The following IPO5 variants were observed in gnomAD, a reference collection of about 807,000 sequenced individuals.
IPO5 encodes importin 5, also known as importin-5.
In IPO5, 18 loss-of-function variants were observed where a neutral mutation model predicts 143.3. That is an observed-to-expected ratio of 0.13 (90% CI 0.09 to 0.19). The LOEUF is 0.19. Among genes scored for constraint, IPO5 ranks in the 10% least tolerant of loss-of-function variants. The pLI is 1.00. For synonymous variants in IPO5, 477 were observed against 465.7 expected (o/e 1.02, Z -0.31); for missense variants, 1,013 against 1,336.9 (o/e 0.76, Z 3.78).
chr13:97,991,234 G>A (rs974323076), intron 9 of IPO5, among the ~76,000 whole-genome samples: 9 of 151,798 alleles, frequency 5.9e-5, no homozygotes, highest in Non-Finnish European at 7.4e-5. Flanking sequence ...TTAATATATG[G>A]CCTTAATACA....
At chr13:98,002,442 T>C in intron 13 of IPO5, 25 bp from the exon 14 acceptor site, 1 of 1,611,264 alleles carries the variant, frequency 6.2e-7, no homozygotes, top group East Asian at 2.2e-5. Flanking sequence ...GTAATTGCTA[T>C]TCCATCTGTA....
intron 16 of IPO5, among the ~76,000 whole-genome samples, chr13:98,004,743 A>G (rs1889073273): frequency 6.6e-6 from 1 of 152,194 alleles, no homozygotes; most frequent in Non-Finnish European, 1.5e-5. Flanking sequence ...AGCAGAAAGT[A>G]AGATGGCTTT....
chr13:97,999,355 G>A (rs1007829400), intron 12 of IPO5, among the ~76,000 whole-genome samples: 8 of 152,126 alleles, frequency 5.3e-5, no homozygotes, highest in Non-Finnish European at 1.0e-4. Flanking sequence ...CCTGATAACG[G>A]CTGAAGAGAA....
intron 3 of IPO5, among the ~76,000 whole-genome samples, chr13:97,970,429 GC>G (rs1301491174): frequency 6.6e-6 from 1 of 151,960 alleles, no homozygotes; most frequent in East Asian, 1.9e-4. Flanking sequence ...GACAAGCCTG[GC>G]CAAGATGGTG....
intron 5 of IPO5, 88 bp from the exon 6 acceptor site, chr13:97,985,333 T>C: frequency 9.6e-7 from 1 of 1,038,282 alleles, no homozygotes; most frequent in Non-Finnish European, 1.5e-6. Context: ...CTTTAGAAAA[T>C]TAGGCGCTTT....
chr13:97,976,628 T>G, intron 3 of IPO5, 65 bp from the exon 4 acceptor site: 29 of 497,610 alleles, frequency 5.8e-5, no homozygotes, highest in East Asian at 1.6e-4. Flanking sequence ...CCCCCGCCCC[T>G]CCCGCGGCCC....
chr13:98,020,821 G>A (rs1890435893), intron 27 of IPO5, among the ~76,000 whole-genome samples, 171 bp from the exon 28 acceptor site: 1 of 151,940 alleles, frequency 6.6e-6, no homozygotes, highest in Non-Finnish European at 1.5e-5. Context: ...CCTGAGAGAT[G>A]AGCCCAGTAT....
chr13:97,982,165 C>T (rs1284225796), intron 4 of IPO5: 7 of 217,604 alleles, frequency 3.2e-5, no homozygotes, highest in Non-Finnish European at 5.4e-5. Flanking sequence ...TTAAGTGAGC[C>T]CTAAAGTTTG....
intron 16 of IPO5, among the ~76,000 whole-genome samples, chr13:98,003,705 C>T (rs1185958655): frequency 1.1e-4 from 16 of 151,980 alleles, no homozygotes; most frequent in African/African-American, 2.4e-4. Context: ...CAAAATTAGC[C>T]GGGTGTGGTG....
intron 2 of IPO5, among the ~76,000 whole-genome samples, chr13:97,969,169 A>ATTTTTTTTTTTTT (rs1566454631): frequency 1.4e-5 from 1 of 72,302 alleles, no homozygotes; most frequent in African/African-American, 7.4e-5. Context: ...ATATATATAT[A>ATTTTTTTTTTTTT]TATATATTTT....
intron 11 of IPO5, among the ~76,000 whole-genome samples, chr13:97,995,258 G>C (rs1337513048): frequency 1.3e-5 from 2 of 150,240 alleles, no homozygotes; most frequent in East Asian, 3.9e-4. Context: ...TGTGATTTTG[G>C]TGCACCCATT....
chr13:98,016,178 C>G (rs1233909960), intron 24 of IPO5, among the ~76,000 whole-genome samples: 1 of 152,148 alleles, frequency 6.6e-6, no homozygotes, highest in Non-Finnish European at 1.5e-5. Context: ...ACTTAGTTCT[C>G]TCATCAAACC....
intron 18 of IPO5, among the ~76,000 whole-genome samples, chr13:98,008,603 C>G (rs1390224130): frequency 6.6e-6 from 1 of 152,166 alleles, no homozygotes; most frequent in African/African-American, 2.4e-5. Flanking sequence ...CTGCTTGCCT[C>G]TCCGCCAACG....
In IPO5 at chr13:98,018,565, A is replaced by G. The variant is rs778760142; in HGVS notation, c.2697A>G (p.Ser899=). 6.2e-7 allele frequency: 1 copy of G among 1,614,140 alleles called. No individual in the cohort carries two copies. The highest frequency in any genetic ancestry group is 1.7e-5 in the Admixed American group (1 of 60,028). ...TCATAGAACACTGTAGTCCAGCCTC[A>G]TTTAAATACGCAGAATATTTCTTAA... is the stretch of plus-strand genomic sequence containing the variant. ...DDVIEHCSPA[S]FKYAEYFLRP... is the part of the protein sequence containing the mutation. Residue 899 remains serine, a synonymous_variant, in exon 26 of 29, where the codon TCA becomes TCG. Transcript: ENST00000651721.
chr13:97,990,582 T>G, intron 9 of IPO5, 45 bp downstream of exon 9: 3 of 1,073,096 alleles, frequency 2.8e-6, no homozygotes, highest in Non-Finnish European at 4.1e-6. Context: ...TCTTATTTGG[T>G]TCTTTAATGC....
In IPO5 at chr13:97,971,806, A is replaced by C. The variant is rs191982582; in HGVS notation, c.-5+1976A>C. Among the ~76,000 whole-genome samples, 12 of 152,264 alleles carry C rather than the reference A, an allele frequency of 7.9e-5. No homozygotes were observed. In the East Asian group the frequency reaches 2.3e-3, roughly 29 times the overall value. ...TCTAAAAAAACAAACAAAAAGAGTA[A>C]TTACTTGTTTAAGGTCACATTTAAC... On this transcript the variant is annotated intron_variant, in intron 3 of 28. Transcript: ENST00000651721.
At chr13:97,982,706 CTTA>C (rs1173345344) in intron 5 of IPO5, 123 bp downstream of exon 5, 12 of 672,444 alleles carry the variant, frequency 1.8e-5, no homozygotes, top group South Asian at 1.8e-4. Context: ...GAACTTTGTA[CTTA>C]TTATTTGCTA....
intron 3 of IPO5, chr13:97,976,085 G>A: frequency 2.1e-6 from 1 of 468,742 alleles, no homozygotes; most frequent in Non-Finnish European, 2.8e-6. Flanking sequence ...AAGGGGTGGG[G>A]CCTGCTCCAG....
rs773059006 is a variant in IPO5, at chr13:97,990,423, T to A, written c.565-10T>A. ...TTCTCATGTTTGACATTTTTTCCTCTTGATTTTAGATCAGGACGTTATCTG... is the reference window on the plus strand; with the variant it reads ...TTCTCATGTTTGACATTTTTTCCTCATGATTTTAGATCAGGACGTTATCTG... On this transcript the variant is annotated splice_polypyrimidine_tract_variant and intron_variant, in intron 8 of 28. Coordinates refer to ENST00000651721, the MANE Select transcript of IPO5 (RefSeq NM_002271.6). The A allele has an allele frequency of 6.4e-7, 1 of 1,572,076 alleles. No homozygotes were observed. The highest frequency in any genetic ancestry group is 1.2e-5 in the South Asian group (1 of 85,330).
Sources: allele counts gnomAD v4.1 joint callset (sites outside exome capture counted in the v4.1 genomes callset), GRCh38; gene constraint gnomAD v4.1.1; transcripts MANE v1.5; gene names NCBI Gene and HGNC (gene_info 2026-07-23, HGNC 2026-07-21).